SLC4A10: variants seen among roughly 807,000 people sequenced by gnomAD.
SLC4A10 encodes the protein solute carrier family 4 member 10.
Under a neutral mutation model 137.7 loss-of-function variants are expected in SLC4A10, and 42 were observed. The ratio of observed to expected loss-of-function variants is 0.30; its 90% CI spans 0.24 to 0.39. SLC4A10 has a LOEUF of 0.39. Ranked by LOEUF, SLC4A10 falls within the 10% of genes least tolerant of loss-of-function variation. SLC4A10 has a pLI of 1.00. For synonymous variants in SLC4A10, 474 were observed against 464.1 expected (o/e 1.02, Z -0.27); for missense variants, 925 against 1,355.0 (o/e 0.68, Z 4.98).
intron 2 of SLC4A10, among the ~76,000 whole-genome samples, chr2:161,774,155 A>C (rs2125436716): frequency 6.6e-6 from 1 of 152,028 alleles, no homozygotes; most frequent in Admixed American, 6.6e-5. Context: ...TTCTGAGTAA[A>C]GCAAAAATTC....
intron 5 of SLC4A10, among the ~76,000 whole-genome samples, chr2:161,857,285 T>C (rs1253260245): frequency 1.3e-5 from 2 of 152,194 alleles, no homozygotes; most frequent in African/African-American, 2.4e-5. Context: ...AGTAGTTCAG[T>C]TGACGTCTTG....
intron 2 of SLC4A10, among the ~76,000 whole-genome samples, chr2:161,796,337 G>A (rs901264079): frequency 7.2e-5 from 11 of 152,142 alleles, no homozygotes; most frequent in African/African-American, 1.2e-4. Context: ...GCTGGCGCCC[G>A]CTTCTACAAT....
At position 161,879,281 on chromosome 2, in the gene SLC4A10, C is replaced by T. The variant is rs2061612116; in HGVS notation, c.1099C>T (p.Pro367Ser). Reference protein sequence around the residue: ...LLQGLAEVPIPTRFLFILLGP... With the variant: ...LLQGLAEVPISTRFLFILLGP... ...TCAAGGACTGGCTGAAGTCCCAATC[C>T]CAACCAGGTAAAAAGTATAAAAGCG... The change falls in exon 9 of 27, where the codon CCA (proline) becomes TCA (serine). Residue 367 changes from proline (P) to serine (S), a missense_variant. Physicochemically the swap from Pro to Ser is moderately conservative, Grantham distance 74. Transcript: ENST00000446997. 1 of 1,608,320 alleles carries T rather than the reference C, an allele frequency of 6.2e-7. No individual in the cohort carries two copies. Among genetic ancestry groups the T allele is most frequent in the South Asian group, 1.1e-5 (1 of 90,320 alleles).
chr2:161,927,980 T>G (rs1450889762), intron 15 of SLC4A10, among the ~76,000 whole-genome samples: 2 of 150,546 alleles, frequency 1.3e-5, no homozygotes, highest in Non-Finnish European at 3.0e-5. Flanking sequence ...CTCAGGGATC[T>G]AGAACTAGAA....
At chr2:161,760,790 C>T (rs2050174216) in intron 1 of SLC4A10, among the ~76,000 whole-genome samples, 1 of 151,938 alleles carries the variant, frequency 6.6e-6, no homozygotes, top group South Asian at 2.1e-4. Context: ...AGTCTATAAT[C>T]TCTCTGAGGA....
chr2:161,728,793 G>A (rs1226734357), intron 1 of SLC4A10, among the ~76,000 whole-genome samples: 2 of 152,020 alleles, frequency 1.3e-5, no homozygotes, highest in South Asian at 2.1e-4. Flanking sequence ...GAACATCAAC[G>A]CAGATATCTT....
intron 15 of SLC4A10, among the ~76,000 whole-genome samples, chr2:161,920,743 C>A (rs1687979264): frequency 6.6e-6 from 1 of 152,136 alleles, no homozygotes; most frequent in Non-Finnish European, 1.5e-5. Flanking sequence ...AAAAGAGCAA[C>A]CTACAAAACT....
At chr2:161,957,340 G>A in intron 20 of SLC4A10, 100 bp downstream of exon 20, 2 of 1,318,952 alleles carry the variant, frequency 1.5e-6, no homozygotes, top group Middle Eastern at 2.5e-4. Flanking sequence ...AATATTGTGT[G>A]GCATGTGATG....
chr2:161,711,212 T>A (rs1473487631), intron 1 of SLC4A10, among the ~76,000 whole-genome samples: 1 of 151,844 alleles, frequency 6.6e-6, no homozygotes, highest in Non-Finnish European at 1.5e-5. Flanking sequence ...ATTGTCAGTA[T>A]GAGACTGAAG....
chr2:161,634,573 T>C (rs2034110408), intron 1 of SLC4A10, among the ~76,000 whole-genome samples: 1 of 151,952 alleles, frequency 6.6e-6, no homozygotes, highest in African/African-American at 2.4e-5. Flanking sequence ...TGGTTTTTAA[T>C]AGACACATAA....
intron 1 of SLC4A10, among the ~76,000 whole-genome samples, chr2:161,701,895 A>C (rs1028567702): frequency 6.6e-6 from 1 of 151,966 alleles, no homozygotes; most frequent in African/African-American, 2.4e-5. Flanking sequence ...TGAAAAAGAC[A>C]AAAAATAACG....
intron 1 of SLC4A10, 112 bp from the exon 2 acceptor site, chr2:161,770,861 G>T (rs2051501822): frequency 1.4e-6 from 1 of 693,996 alleles, no homozygotes; most frequent in Non-Finnish European, 2.4e-6. Context: ...TGAACAACTA[G>T]ATTTAAATGA....
intron 1 of SLC4A10, among the ~76,000 whole-genome samples, chr2:161,665,092 C>T (rs1000600987): frequency 2.6e-5 from 4 of 151,692 alleles, no homozygotes; most frequent in Non-Finnish European, 5.9e-5. Context: ...TAACTGAAGC[C>T]ATCCAATGAA....
intron 15 of SLC4A10, among the ~76,000 whole-genome samples, chr2:161,933,213 TTC>T (rs1210004927): frequency 6.8e-6 from 1 of 146,388 alleles, no homozygotes; most frequent in Non-Finnish European, 1.5e-5. Flanking sequence ...CTTTCTTTCT[TTC>T]TTTCTTTCTT....
At chr2:161,957,281 A>G (rs369032503) in intron 20 of SLC4A10, 41 bp downstream of exon 20, 18 of 1,564,478 alleles carry the variant, frequency 1.2e-5, no homozygotes, top group Non-Finnish European at 1.5e-5. Context: ...GAAAGAATAC[A>G]TTTATCATCA....
chr2:161,803,858 A>G (rs2055634296), intron 2 of SLC4A10, among the ~76,000 whole-genome samples: 1 of 152,138 alleles, frequency 6.6e-6, no homozygotes, highest in Non-Finnish European at 1.5e-5. Context: ...TAGGCACAGT[A>G]AGAGATTAAC....
chr2:161,640,025 G>A (rs182550463), intron 1 of SLC4A10, among the ~76,000 whole-genome samples: 174 of 152,186 alleles, frequency 1.1e-3, no homozygotes, highest in Middle Eastern at 3.4e-3. Context: ...ATTTATAATA[G>A]CTCATGGTGA....
intron 15 of SLC4A10, among the ~76,000 whole-genome samples, chr2:161,933,285 TTC>T (rs1465522946): frequency 1.3e-5 from 2 of 150,320 alleles, no homozygotes; most frequent in East Asian, 3.9e-4. Flanking sequence ...TTCTTTTTCT[TTC>T]TCTTTCTTTG....
At chr2:161,742,418 CTTTT>C (rs2047986613) in intron 1 of SLC4A10, among the ~76,000 whole-genome samples, 2 of 137,280 alleles carry the variant, frequency 1.5e-5, no homozygotes, top group Non-Finnish European at 3.2e-5. Context: ...TTTCTTTTTT[CTTTT>C]CTTTCTTTCT....
Sources: gnomAD v4.1 joint callset for allele counts (sites outside exome capture counted in the v4.1 genomes callset) on GRCh38, gnomAD v4.1.1 for gene constraint, MANE v1.5 for transcripts, NCBI Gene and HGNC (gene_info 2026-07-23, HGNC 2026-07-21) for gene names.